Variants in ADGRB3 observed in about 807,000 individuals in gnomAD.
ADGRB3 encodes the protein brain-specific angiogenesis inhibitor 3.
A neutral mutation model predicts 193.4 loss-of-function variants in ADGRB3; 37 were observed. That is an observed-to-expected ratio of 0.19 (90% CI 0.15 to 0.25). ADGRB3 has a LOEUF of 0.25. Among genes scored for constraint, ADGRB3 ranks in the 10% least tolerant of loss-of-function variants. The probability of loss-of-function intolerance (pLI) is 1.00; values close to 1 mark genes in which losing one functional copy is unlikely to be tolerated. For missense variants in ADGRB3, 1,637 were observed against 1,852.9 expected (o/e 0.88, Z 2.14); for synonymous variants, 690 against 644.2 (o/e 1.07, Z -1.08).
At chr6:69,197,576 A>T (rs1011833767) in intron 17 of ADGRB3, among the ~76,000 whole-genome samples, 1 of 152,092 alleles carries the variant, frequency 6.6e-6, no homozygotes, top group African/African-American at 2.4e-5. Flanking sequence ...CATATCTTAG[A>T]TGTTTACAAT....
chr6:69,264,025 C>T (rs1766982156), intron 20 of ADGRB3, among the ~76,000 whole-genome samples: 2 of 152,038 alleles, frequency 1.3e-5, no homozygotes, highest in Non-Finnish European at 2.9e-5. Context: ...AGTCCAAATT[C>T]TAAAAGGATA....
At chr6:68,976,663 C>A (rs534724885) in intron 10 of ADGRB3, among the ~76,000 whole-genome samples, 2 of 152,132 alleles carry the variant, frequency 1.3e-5, no homozygotes, top group African/African-American at 2.4e-5. Flanking sequence ...TTAAGAAAGT[C>A]ATAAAGAAGA....
rs568402627 is a variant in ADGRB3, at chr6:68,895,079, TAAA to T, written c.758-35477_758-35475del. Among the ~76,000 whole-genome samples, 19 of 152,074 alleles carry T rather than the reference TAAA, an allele frequency of 1.2e-4. No homozygotes were observed. In the East Asian group the frequency reaches 3.5e-3, roughly 28 times the overall value. On this transcript the variant is annotated intron_variant, in intron 3 of 31. Coordinates refer to ENST00000370598, the MANE Select transcript of ADGRB3 (RefSeq NM_001704.3). ...AAATATACTTTTTAAACACAATAAATAAAAATTCTAGAACGTATTCTTTTCTGA... is the reference window on the plus strand; with the variant it reads ...AAATATACTTTTTAAACACAATAAATAATTCTAGAACGTATTCTTTTCTGA...
At chr6:68,810,819 T>A (rs765179619) in intron 3 of ADGRB3, among the ~76,000 whole-genome samples, 54 of 152,004 alleles carry the variant, frequency 3.6e-4, no homozygotes, top group Admixed American at 3.3e-4. Flanking sequence ...ATAGGAAAAA[T>A]AATTATGAGT....
chr6:69,242,101 T>C (rs538543569), intron 20 of ADGRB3, among the ~76,000 whole-genome samples: 1 of 151,976 alleles, frequency 6.6e-6, no homozygotes, highest in South Asian at 2.1e-4. Flanking sequence ...TGTATTTATA[T>C]ATGAGAATTT....
chr6:69,119,743 A>G (rs1773632932), intron 17 of ADGRB3, among the ~76,000 whole-genome samples: 1 of 152,198 alleles, frequency 6.6e-6, no homozygotes, highest in African/African-American at 2.4e-5. Context: ...TCAGGAGCGG[A>G]GCATGGAGAG....
At chr6:69,079,906 T>A (rs965855924) in intron 17 of ADGRB3, among the ~76,000 whole-genome samples, 22 of 152,102 alleles carry the variant, frequency 1.4e-4, no homozygotes, top group Non-Finnish European at 3.1e-4. Flanking sequence ...TATCTTGTTG[T>A]TGAAAACAAA....
At chr6:69,002,014 T>C (rs548470695) in intron 11 of ADGRB3, among the ~76,000 whole-genome samples, 54 of 152,184 alleles carry the variant, frequency 3.5e-4, no homozygotes, top group Non-Finnish European at 7.1e-4. Flanking sequence ...TACTCAACAT[T>C]GGAAAGCTAC....
At chr6:68,710,290 C>A (rs1351026321) in intron 3 of ADGRB3, among the ~76,000 whole-genome samples, 1 of 152,282 alleles carries the variant, frequency 6.6e-6, no homozygotes, top group East Asian at 1.9e-4. Context: ...TACTTCCACT[C>A]TAACTCTGGT....
chr6:68,967,010 G>A lies in ADGRB3; in HGVS notation c.1526-7753G>A, dbSNP rs781710794. 2.6e-5 allele frequency among the ~76,000 whole-genome samples: 4 copies of A among 152,304 alleles called. No individual in the cohort carries two copies. In the East Asian group the frequency reaches 7.7e-4, roughly 29 times the overall value. On this transcript the variant is annotated intron_variant, in intron 8 of 31. Coordinates refer to ENST00000370598, the MANE Select transcript of ADGRB3 (RefSeq NM_001704.3). ...AGATAGACTCTTCAAAGAATGCCAA[G>A]TCACCTTTGATAAAATAGTTAAAGC...
chr6:68,845,845 G>T (rs1237175064), intron 3 of ADGRB3, among the ~76,000 whole-genome samples: 1 of 152,156 alleles, frequency 6.6e-6, no homozygotes, highest in African/African-American at 2.4e-5. Context: ...GTAGAGTGGG[G>T]TGCTGCTGAA....
intron 3 of ADGRB3, among the ~76,000 whole-genome samples, chr6:68,753,393 G>A (rs1340278382): frequency 1.3e-5 from 2 of 152,140 alleles, no homozygotes; most frequent in South Asian, 2.1e-4. Context: ...GAATTAAGCC[G>A]CGAAGTAGTA....
At chr6:68,692,822 TA>T (rs1765097821) in intron 3 of ADGRB3, among the ~76,000 whole-genome samples, 1 of 151,222 alleles carries the variant, frequency 6.6e-6, no homozygotes, top group Non-Finnish European at 1.5e-5. Context: ...CAAATGGACA[TA>T]TAGAGAGGCA....
chr6:68,691,149 A>G (rs1459053533), intron 3 of ADGRB3, among the ~76,000 whole-genome samples: 1 of 152,132 alleles, frequency 6.6e-6, no homozygotes, highest in African/African-American at 2.4e-5. Flanking sequence ...TTTCAGTTCT[A>G]GGGGAATCAG....
chr6:69,353,144 T>C (rs1769263867), intron 26 of ADGRB3, among the ~76,000 whole-genome samples: 1 of 152,022 alleles, frequency 6.6e-6, no homozygotes, highest in African/African-American at 2.4e-5. Flanking sequence ...TGAGACACTG[T>C]AAGAACAGAA....
chr6:68,881,372 T>A (rs1490226411), intron 3 of ADGRB3, among the ~76,000 whole-genome samples: 3 of 152,192 alleles, frequency 2.0e-5, no homozygotes, highest in Non-Finnish European at 2.9e-5. Flanking sequence ...TATGCCTTTT[T>A]TCCACATTTA....
At chr6:69,091,223 C>G (rs1472652860) in intron 17 of ADGRB3, among the ~76,000 whole-genome samples, 1 of 152,156 alleles carries the variant, frequency 6.6e-6, no homozygotes, top group Non-Finnish European at 1.5e-5. Flanking sequence ...TTGTGGAAGA[C>G]AGTGTGGCAA....
intron 3 of ADGRB3, among the ~76,000 whole-genome samples, chr6:68,792,050 A>G (rs571352267): frequency 5.9e-5 from 9 of 152,282 alleles, no homozygotes; most frequent in African/African-American, 1.9e-4. Context: ...TGGTAAAAAG[A>G]TGGAGATTGC....
intron 6 of ADGRB3, among the ~76,000 whole-genome samples, chr6:68,955,152 C>G (rs1768037097): frequency 6.6e-6 from 1 of 152,164 alleles, no homozygotes; most frequent in African/African-American, 2.4e-5. Context: ...TTCCAAAGAT[C>G]TTTGTATATT....
Sources: allele counts gnomAD v4.1 joint callset (sites outside exome capture counted in the v4.1 genomes callset), GRCh38; gene constraint gnomAD v4.1.1; transcripts MANE v1.5; gene names NCBI Gene and HGNC (gene_info 2026-07-23, HGNC 2026-07-21).